Variants in FHIT observed in about 807,000 individuals in gnomAD.
FHIT encodes the protein bis(5'-adenosyl)-triphosphatase.
FHIT carries 19 observed loss-of-function variants against 17.9 expected under a neutral mutation model. That is an observed-to-expected ratio of 1.06 (90% CI 0.74 to 1.56). FHIT has a LOEUF of 1.56. FHIT is among the 40% of genes most tolerant of loss of function. FHIT has a pLI of 0.00. For missense variants in FHIT, 248 were observed against 189.2 expected, an observed-to-expected ratio of 1.31 and a Z score of -1.82; for synonymous variants, 81 against 69.7, an observed-to-expected ratio of 1.16 and a Z score of -0.81.
Position 60,276,361 on chromosome 3 carries a change from T to C in FHIT, c.103+260499A>G, listed in dbSNP as rs1359915928. The stretch of plus-strand genomic sequence containing the variant: ...GTCCAGCAGATGAAGTCTAAAATAC[T>C]CTGCTTATTTTGTGAAAAGACCAGG... On this transcript the variant is annotated intron_variant, in intron 5 of 9. Coordinates refer to ENST00000492590, the MANE Select transcript of FHIT (RefSeq NM_002012.4). Among the ~76,000 whole-genome samples, 2 of 152,218 alleles carry C rather than the reference T, an allele frequency of 1.3e-5. 1 individual carries two copies. Among genetic ancestry groups the C allele is most frequent in the Non-Finnish European group, 2.9e-5 (2 of 68,052 alleles).
intron 3 of FHIT, among the ~76,000 whole-genome samples, chr3:60,915,372 AG>A (rs1706947224): frequency 6.6e-6 from 1 of 152,212 alleles, no homozygotes. Context: ...GGGGAAGAAG[AG>A]GGCTTATTAA....
intron 4 of FHIT, among the ~76,000 whole-genome samples, chr3:60,648,455 T>C (rs782323385): frequency 1.3e-5 from 2 of 152,006 alleles, no homozygotes; most frequent in South Asian, 2.1e-4. Context: ...ATCTCCCTGG[T>C]CTAGTGTAGC....
chr3:60,929,285 C>T (rs1707823076), intron 3 of FHIT, among the ~76,000 whole-genome samples: 1 of 152,096 alleles, frequency 6.6e-6, no homozygotes, highest in Non-Finnish European at 1.5e-5. Context: ...GGAAGCACTC[C>T]CTTTGAAAAC....
At chr3:60,011,338 T>G in intron 7 of FHIT, 33 bp downstream of exon 7, 1 of 1,607,928 alleles carries the variant, frequency 6.2e-7, no homozygotes, top group South Asian at 1.1e-5. Flanking sequence ...TAATCGCCTC[T>G]TATTAATTTG....
chr3:60,447,914 C>G (rs1171522624), intron 5 of FHIT, among the ~76,000 whole-genome samples: 2 of 152,186 alleles, frequency 1.3e-5, no homozygotes, highest in Non-Finnish European at 2.9e-5. Flanking sequence ...CCAACTGGGA[C>G]TTCCAATATT....
intron 4 of FHIT, chr3:60,596,029 C>T (rs1046148726): frequency 6.6e-5 from 12 of 182,500 alleles, no homozygotes; most frequent in Non-Finnish European, 1.1e-4. Flanking sequence ...CTCAGAAAAA[C>T]TCTCTTCTCT....
At chr3:61,014,807 A>AAAAAAAAAAATATATATAT (rs1553798839) in intron 3 of FHIT, among the ~76,000 whole-genome samples, 1 of 49,102 alleles carries the variant, frequency 2.0e-5, no homozygotes, top group African/African-American at 5.4e-5. Context: ...AAAAAAAAAA[A>AAAAAAAAAAATATATATAT]ATATATATAT....
At chr3:61,045,804 G>T (rs1026346193) in intron 2 of FHIT, among the ~76,000 whole-genome samples, 7 of 152,170 alleles carry the variant, frequency 4.6e-5, no homozygotes, top group African/African-American at 1.7e-4. Context: ...AGACCACAGT[G>T]CAAGCAAACT....
At position 60,388,967 on chromosome 3, in the gene FHIT, G is replaced by A. The variant is rs142942386; in HGVS notation, c.103+147893C>T. Among the ~76,000 whole-genome samples the A allele has an allele frequency of 7.9e-5, 12 of 152,300 alleles. No homozygotes were observed. In the East Asian group the frequency reaches 2.3e-3, roughly 29 times the overall value. ...CATTCTTAGAACACACAGCCTGTCT[G>A]TCCCTCCAGCACCACCCTGCCTACT... On this transcript the variant is annotated intron_variant, in intron 5 of 9. Transcript: ENST00000492590.
intron 5 of FHIT, among the ~76,000 whole-genome samples, chr3:60,339,473 T>G (rs1710407705): frequency 6.6e-6 from 1 of 152,284 alleles, no homozygotes; most frequent in African/African-American, 2.4e-5. Context: ...ATGCTCACAC[T>G]TTGCTCAGCA....
At chr3:60,640,272 A>G (rs905452768) in intron 4 of FHIT, among the ~76,000 whole-genome samples, 21 of 152,250 alleles carry the variant, frequency 1.4e-4, no homozygotes, top group African/African-American at 4.8e-4. Context: ...ACAGTTTATT[A>G]TATACACACT....
intron 4 of FHIT, among the ~76,000 whole-genome samples, chr3:60,707,059 C>A (rs933349742): frequency 1.3e-5 from 2 of 152,184 alleles, no homozygotes; most frequent in Non-Finnish European, 2.9e-5. Flanking sequence ...TTGACATTTA[C>A]TTCAATATTC....
chr3:59,934,838 A>C (rs1706153293), intron 7 of FHIT, among the ~76,000 whole-genome samples: 1 of 152,108 alleles, frequency 6.6e-6, no homozygotes, highest in Non-Finnish European at 1.5e-5. Flanking sequence ...AACTGCCCCC[A>C]TGATTCAATT....
chr3:60,301,143 A>C (rs1224154431), intron 5 of FHIT, among the ~76,000 whole-genome samples: 1 of 152,136 alleles, frequency 6.6e-6, no homozygotes, highest in African/African-American at 2.4e-5. Flanking sequence ...CCTAAAATAA[A>C]ATTTTGACCT....
chr3:60,388,088 T>C (rs1363244713), intron 5 of FHIT, among the ~76,000 whole-genome samples: 2 of 152,172 alleles, frequency 1.3e-5, no homozygotes, highest in Non-Finnish European at 2.9e-5. Context: ...CTATGCTTCT[T>C]GTACAGCTTG....
At chr3:60,732,494 C>T in intron 4 of FHIT, 1 of 687,438 alleles carries the variant, frequency 1.5e-6, no homozygotes. Flanking sequence ...GGAACCCTCA[C>T]ACCCAAATCC....
chr3:60,062,066 A>G (rs1702316278), intron 5 of FHIT, among the ~76,000 whole-genome samples: 1 of 152,228 alleles, frequency 6.6e-6, no homozygotes, highest in South Asian at 2.1e-4. Flanking sequence ...TCTTTCTAAC[A>G]TCATGAATTT....
intron 3 of FHIT, among the ~76,000 whole-genome samples, chr3:60,949,731 C>T (rs782401949): frequency 5.3e-5 from 8 of 152,000 alleles, no homozygotes; most frequent in Non-Finnish European, 1.2e-4. Flanking sequence ...TAAATATCTG[C>T]TTATTTATTT....
chr3:60,634,957 A>G (rs1430995475), intron 4 of FHIT, among the ~76,000 whole-genome samples: 1 of 152,122 alleles, frequency 6.6e-6, no homozygotes, highest in African/African-American at 2.4e-5. Context: ...CAACAGCCTC[A>G]AACACCTGGG....
Sources: gnomAD v4.1 joint callset for allele counts (sites outside exome capture counted in the v4.1 genomes callset) on GRCh38, gnomAD v4.1.1 for gene constraint, MANE v1.5 for transcripts, NCBI Gene and HGNC (gene_info 2026-07-23, HGNC 2026-07-21) for gene names.